The following SCNN1B variants were observed in gnomAD, a reference collection of about 807,000 sequenced individuals.
The protein encoded by SCNN1B is sodium channel epithelial 1 subunit beta, also known as epithelial sodium channel subunit beta.
SCNN1B carries 46 observed loss-of-function variants against 65.3 expected under a neutral mutation model. That is an observed-to-expected ratio of 0.70 (90% CI 0.56 to 0.90). The LOEUF is 0.90. SCNN1B is among the 40% of genes least tolerant of loss of function. SCNN1B has a pLI of 0.00. For synonymous variants in SCNN1B, 349 were observed against 330.6 expected (o/e 1.06, Z -0.60); for missense variants, 751 against 830.5 (o/e 0.90, Z 1.18).
At chr16:23,356,867 C>T (rs776343676) in intron 4 of SCNN1B, among the ~76,000 whole-genome samples, 6 of 152,072 alleles carry the variant, frequency 3.9e-5, no homozygotes, top group African/African-American at 7.2e-5. Context: ...CAACCAGAAA[C>T]GGGGGGAATC....
At chr16:23,329,861 C>A (rs1961774253) in intron 1 of SCNN1B, among the ~76,000 whole-genome samples, 2 of 151,962 alleles carry the variant, frequency 1.3e-5, no homozygotes, top group South Asian at 2.1e-4. Context: ...TCTGTCTCTA[C>A]AAAATATTTT....
chr16:23,360,490 A>C (rs1361000992), intron 4 of SCNN1B, among the ~76,000 whole-genome samples: 1 of 151,928 alleles, frequency 6.6e-6, no homozygotes, highest in Non-Finnish European at 1.5e-5. Context: ...TTGAGGCTGC[A>C]GTGAACCAAG....
At chr16:23,295,459 C>T (rs928830684) in intron 2 of SCNN1B, among the ~76,000 whole-genome samples, 2 of 152,146 alleles carry the variant, frequency 1.3e-5, no homozygotes, top group Non-Finnish European at 2.9e-5. Context: ...AAGCAATCCT[C>T]CCATATCAGC....
Position 23,367,867 on chromosome 16 carries a change from C to A in SCNN1B, c.788C>A (p.Ser263Tyr). The change falls in exon 5 of 13, where the codon TCC (serine) becomes TAC (tyrosine). Residue 263 changes from serine (S) to tyrosine (Y), a missense_variant. Coordinates refer to ENST00000343070, the MANE Select transcript of SCNN1B (RefSeq NM_000336.3). ...GCTGTTTCTTTTAGGAACTTCACGT[C>A]CATCTTCTACCCTCACTATGGCAAC... ...AEPCNYRNFT[S>Y]IFYPHYGNCY... 6.2e-7 allele frequency: 1 copy of A among 1,613,886 alleles called. No individual in the cohort carries two copies.
At chr16:23,287,571 A>G (rs1331482753) in intron 2 of SCNN1B, among the ~76,000 whole-genome samples, 2 of 151,932 alleles carry the variant, frequency 1.3e-5, no homozygotes, top group Non-Finnish European at 2.9e-5. Context: ...ATAATACTAC[A>G]AAAATTAGCC....
At chr16:23,290,749 G>A (rs1040305966) in intron 2 of SCNN1B, among the ~76,000 whole-genome samples, 1 of 152,170 alleles carries the variant, frequency 6.6e-6, no homozygotes, top group Non-Finnish European at 1.5e-5. Flanking sequence ...TCACTAGCTA[G>A]AAAGGTGTTC....
At chr16:23,360,474 C>T (rs113018381) in intron 4 of SCNN1B, among the ~76,000 whole-genome samples, 2,520 of 151,830 alleles carry the variant, frequency 0.017, 67 homozygotes, top group African/African-American at 0.057. Context: ...ACTTGAGCCT[C>T]GGAGTTTGAG....
intron 4 of SCNN1B, among the ~76,000 whole-genome samples, chr16:23,360,440 T>G (rs1962524019): frequency 6.6e-6 from 1 of 151,928 alleles, no homozygotes. Context: ...ACTCAGCTAC[T>G]CTGGAGGCTG....
intron 1 of SCNN1B, among the ~76,000 whole-genome samples, chr16:23,281,254 G>A (rs1960779851): frequency 6.6e-6 from 1 of 152,142 alleles, no homozygotes; most frequent in Non-Finnish European, 1.5e-5. Flanking sequence ...CCAACATGGT[G>A]AAACCCCATC....
intron 11 of SCNN1B, 111 bp downstream of exon 11, chr16:23,378,878 C>A: frequency 9.5e-7 from 1 of 1,052,242 alleles, no homozygotes; most frequent in Non-Finnish European, 1.5e-6. Context: ...ATGGGTCAGA[C>A]CGAGGAGCAA....
At position 23,348,779 on chromosome 16, in the gene SCNN1B, C is replaced by G. The variant is rs768826510; in HGVS notation, c.180C>G (p.Ala60=). ...AMWFLLTLLF[A]ALVCWQWGIF... ...GGTTCCTGCTCACCCTGCTCTTCGC[C>G]GCCCTCGTCTGCTGGCAGTGGGGCA... Residue 60 remains alanine (A), a synonymous_variant, in exon 2 of 13, where the codon GCC becomes GCG. Coordinates refer to ENST00000343070, the MANE Select transcript of SCNN1B (RefSeq NM_000336.3). This position sits in a 1 kb window ranked among gnomAD's most constrained non-coding sequence, Gnocchi z 4.5. 1 of 1,614,070 alleles carries G rather than the reference C, an allele frequency of 6.2e-7. No individual in the cohort carries two copies. The highest frequency in any genetic ancestry group is 8.5e-7 in the Non-Finnish European group (1 of 1,180,040).
rs772470451 is a variant in SCNN1B at position 23,348,882 on chromosome 16, G to A, written c.283G>A (p.Val95Ile). 26 of 1,614,034 alleles carry A rather than the reference G, an allele frequency of 1.6e-5. No homozygotes were observed. Among genetic ancestry groups the A allele is most frequent in the East Asian group, 2.2e-5 (1 of 44,894 alleles). The change falls in exon 2 of 13, where the codon GTC becomes ATC. Residue 95 changes from valine to isoleucine, a missense_variant. Coordinates refer to ENST00000343070, the MANE Select transcript of SCNN1B (RefSeq NM_000336.3). This position sits in a 1 kb window ranked among gnomAD's most constrained non-coding sequence, Gnocchi z 4.5. ...VGFKTMDFPA[V>I]TICNASPFKY... ...CTTCAAGACCATGGACTTCCCTGCC[G>A]TCACCATCTGCAATGCTAGCCCCTT...
chr16:23,357,896 G>T (rs1325574631), intron 4 of SCNN1B, among the ~76,000 whole-genome samples: 3 of 152,212 alleles, frequency 2.0e-5, no homozygotes, highest in Admixed American at 6.5e-5. Flanking sequence ...ACAGACTACT[G>T]TAATGTCCAC....
chr16:23,354,597 A>G (rs1298898011), intron 3 of SCNN1B, among the ~76,000 whole-genome samples: 1 of 152,234 alleles, frequency 6.6e-6, no homozygotes, highest in Non-Finnish European at 1.5e-5. Context: ...TTCCCAGGAC[A>G]GATAAGAGGC....
rs1019975136 is a variant in SCNN1B at position 23,280,231 on chromosome 16, AT to A, written n.110+1902del. On this transcript the variant is annotated intron_variant and non_coding_transcript_variant, in intron 1 of 3. Transcript: ENST00000569789. ...TTTTATTTTTATTTTTTTAATTTTA[AT>A]TTTTTTTTTTGAGACAGAGTCTCAC... is the stretch of plus-strand genomic sequence containing the variant. Among the ~76,000 whole-genome samples the A allele has an allele frequency of 2.3e-3, 333 of 147,400 alleles. 2 individuals carry two copies. Among genetic ancestry groups the A allele is most frequent in the African/African-American group, 5.5e-3 (222 of 40,280 alleles).
At chr16:23,343,423 G>A (rs1199073203) in intron 1 of SCNN1B, among the ~76,000 whole-genome samples, 1 of 148,848 alleles carries the variant, frequency 6.7e-6, no homozygotes, top group African/African-American at 2.5e-5. Flanking sequence ...TCGCACTCCA[G>A]CCTGGGCAAC....
intron 3 of SCNN1B, among the ~76,000 whole-genome samples, chr16:23,355,009 T>A (rs1020362390): frequency 6.6e-6 from 1 of 152,134 alleles, no homozygotes; most frequent in East Asian, 1.9e-4. Flanking sequence ...TGTGGGTCAC[T>A]TCCAAGAGGT....
intron 1 of SCNN1B, among the ~76,000 whole-genome samples, chr16:23,327,390 A>G (rs538490342): frequency 2.7e-3 from 411 of 152,026 alleles, no homozygotes; most frequent in African/African-American, 9.7e-3. Flanking sequence ...AAAATTAGCC[A>G]GGCATGGTGG....
At chr16:23,332,825 A>G (rs1961841899) in intron 1 of SCNN1B, among the ~76,000 whole-genome samples, 1 of 152,006 alleles carries the variant, frequency 6.6e-6, no homozygotes, top group African/African-American at 2.4e-5. Context: ...TAATCCCAGC[A>G]CTTTGGGAGG....
Sources: gnomAD v4.1 joint callset for allele counts (sites outside exome capture counted in the v4.1 genomes callset) on GRCh38, gnomAD v4.1.1 for gene constraint, Gnocchi (gnomAD v3.1) non-coding constraint, MANE v1.5 for transcripts, NCBI Gene and HGNC (gene_info 2026-07-23, HGNC 2026-07-21) for gene names.